The following PPP1R3A variants were observed in gnomAD, a reference collection of about 807,000 sequenced individuals.
PPP1R3A encodes protein phosphatase 1 regulatory subunit 3A.
A neutral mutation model predicts 41.7 loss-of-function variants in PPP1R3A; 29 were observed. The observed-to-expected ratio is 0.70, with a 90% CI of 0.52 to 0.95. The LOEUF (loss-of-function observed/expected upper bound fraction) is 0.95, where lower values mean the gene tolerates loss of function less well. PPP1R3A is among the 40% of genes least tolerant of loss of function. The pLI, the probability that PPP1R3A is intolerant of heterozygous loss-of-function variation, is 0.00. For synonymous variants in PPP1R3A, 485 were observed against 453.4 expected, an observed-to-expected ratio of 1.07 and a Z score of -0.89; for missense variants, 1,352 against 1,292.4, an observed-to-expected ratio of 1.05 and a Z score of -0.71.
chr7:113,882,377 T>G (rs1425115189), intron 1 of PPP1R3A, 57 bp from the exon 2 acceptor site: 2 of 1,044,226 alleles, frequency 1.9e-6, no homozygotes, highest in African/African-American at 1.6e-5. Context: ...CTTCTAAGTA[T>G]TTTTACACAG....
Position 113,882,276 on chromosome 7 carries a change from T to G in PPP1R3A, c.827A>C (p.Asn276Thr). ...AAGAATATTACCTGTATTCTTTGGATTCTCAAAGTTATTTTCTTCTGATGT... is the reference window on the plus strand; with the variant it reads ...AAGAATATTACCTGTATTCTTTGGAGTCTCAAAGTTATTTTCTTCTGATGT... ...SVTSEENNFE[N>T]PKNTDTYIPT... The change falls in exon 2 of 4, where the codon AAT becomes ACT. Residue 276 changes from asparagine (N) to threonine (T), a missense_variant. Transcript: ENST00000284601. 6.7e-7 allele frequency: 1 copy of G among 1,495,662 alleles called. No individual in the cohort carries two copies. The highest frequency in any genetic ancestry group is 2.3e-5 in the East Asian group (1 of 43,924). The allele number at this position is 1,495,662 out of a possible 1,614,324, so 92.6% of individuals were successfully genotyped here.
chr7:113,885,542 G>C (rs1796769727), intron 1 of PPP1R3A, among the ~76,000 whole-genome samples: 1 of 152,024 alleles, frequency 6.6e-6, no homozygotes, highest in African/African-American at 2.4e-5. Context: ...TGGTGTCATT[G>C]TTAACTGGAA....
intron 1 of PPP1R3A, among the ~76,000 whole-genome samples, chr7:113,885,137 T>C (rs1269619780): frequency 6.6e-6 from 1 of 152,112 alleles, no homozygotes; most frequent in African/African-American, 2.4e-5. Context: ...CATTGCAACT[T>C]CCACCTCCCA....
chr7:113,916,384 A>G (rs1410353598), intron 1 of PPP1R3A, among the ~76,000 whole-genome samples: 4 of 152,072 alleles, frequency 2.6e-5, no homozygotes, highest in Admixed American at 2.6e-4. Flanking sequence ...ATATAGTTCT[A>G]CATATCTTCA....
At chr7:113,901,281 C>T (rs930968196) in intron 1 of PPP1R3A, among the ~76,000 whole-genome samples, 4 of 151,636 alleles carry the variant, frequency 2.6e-5, no homozygotes, top group Non-Finnish European at 1.5e-5. Context: ...GGCGAAGGTC[C>T]ATTACCTGAA....
Position 113,894,719 on chromosome 7 carries a change from T to C in PPP1R3A, c.783-12399A>G, listed in dbSNP as rs191282309. ...GTATAAAAAATCATTATTAGAGTCA[T>C]GACCACTGAGTTAACTAATTCCATT... On this transcript the variant is annotated intron_variant, in intron 1 of 3. Transcript: ENST00000284601. 6.6e-5 allele frequency among the ~76,000 whole-genome samples: 10 copies of C among 152,094 alleles called. No homozygotes were observed. In the East Asian group the frequency reaches 1.9e-3, roughly 30 times the overall value.
Position 113,895,194 on chromosome 7 carries a change from T to G in PPP1R3A, c.783-12874A>C, listed in dbSNP as rs182684361. ...TCCCAGCTTCTATCTCATTCCTGGC[T>G]CTTGACAAAGAATTTCAAATGTGTG... On this transcript the variant is annotated intron_variant, in intron 1 of 3. Transcript: ENST00000284601. Among the ~76,000 whole-genome samples the G allele has an allele frequency of 3.9e-3, 595 of 152,094 alleles. 3 individuals are homozygous for G. Among genetic ancestry groups the G allele is most frequent in the Non-Finnish European group, 4.9e-3 (336 of 67,950 alleles).
chr7:113,885,987 G>C (rs1796779107), intron 1 of PPP1R3A, among the ~76,000 whole-genome samples: 1 of 149,390 alleles, frequency 6.7e-6, no homozygotes, highest in East Asian at 2.0e-4. Context: ...TATATAGGTA[G>C]TTTTTAGCTT....
At chr7:113,891,670 C>T (rs1043073138) in intron 1 of PPP1R3A, among the ~76,000 whole-genome samples, 1 of 151,996 alleles carries the variant, frequency 6.6e-6, no homozygotes. Flanking sequence ...AGGATTTAGA[C>T]ACCATGTTAA....
At chr7:113,888,650 A>G (rs1230676899) in intron 1 of PPP1R3A, among the ~76,000 whole-genome samples, 1 of 152,106 alleles carries the variant, frequency 6.6e-6, no homozygotes, top group Non-Finnish European at 1.5e-5. Context: ...GCTTCCCAGG[A>G]GTTTATGTGG....
Position 113,878,481 on chromosome 7 carries a change from T to C in PPP1R3A, c.2611A>G (p.Thr871Ala), listed in dbSNP as rs1325730853. The C allele has an allele frequency of 1.2e-6, 2 of 1,613,082 alleles. No homozygotes were observed. The highest frequency in any genetic ancestry group is 1.3e-5 in the African/African-American group (1 of 74,882). The stretch of plus-strand genomic sequence containing the variant: ...TTTTCTGAAAATACAGTTTTGTCTG[T>C]TGGTAACATTCCCAACTGTAAATCC... The part of the protein sequence containing the change: ...KLDLQLGMLP[T>A]DKTVFSENRD... Residue 871 changes from threonine to alanine, a missense_variant, in exon 4 of 4, where the codon ACA becomes GCA. Coordinates refer to ENST00000284601, the MANE Select transcript of PPP1R3A (RefSeq NM_002711.4).
chr7:113,909,502 G>A (rs1797208633), intron 1 of PPP1R3A, among the ~76,000 whole-genome samples: 1 of 151,998 alleles, frequency 6.6e-6, no homozygotes, highest in Non-Finnish European at 1.5e-5. Flanking sequence ...TTAAACTCCT[G>A]TTGACCAATT....
intron 1 of PPP1R3A, among the ~76,000 whole-genome samples, chr7:113,905,535 C>G (rs1399318287): frequency 6.6e-6 from 1 of 151,780 alleles, no homozygotes; most frequent in Non-Finnish European, 1.5e-5. Flanking sequence ...TTCTATAAAT[C>G]TAAAATTTTA....
At chr7:113,896,245 C>T (rs1796973120) in intron 1 of PPP1R3A, among the ~76,000 whole-genome samples, 1 of 151,900 alleles carries the variant, frequency 6.6e-6, no homozygotes, top group Non-Finnish European at 1.5e-5. Flanking sequence ...CTTTTGTGAA[C>T]TATTTTGTTT....
chr7:113,904,028 T>C (rs1387364355), intron 1 of PPP1R3A, among the ~76,000 whole-genome samples: 3 of 151,836 alleles, frequency 2.0e-5, no homozygotes, highest in Admixed American at 6.6e-5. Context: ...CTAATGCCTA[T>C]TGCTCTTTAT....
chr7:113,915,456 A>C (rs1171694952), intron 1 of PPP1R3A, among the ~76,000 whole-genome samples: 1 of 151,460 alleles, frequency 6.6e-6, no homozygotes, highest in East Asian at 1.9e-4. Context: ...GGGCAGCCTG[A>C]TTTTCATTTT....
At position 113,878,335 on chromosome 7, in the gene PPP1R3A, A is replaced by G; in HGVS notation, c.2757T>C (p.His919=). 6.2e-7 allele frequency: 1 copy of G among 1,613,056 alleles called. No homozygotes were observed. The change falls in exon 4 of 4, where the codon CAT becomes CAC. Residue 919 remains histidine, a synonymous_variant. Coordinates refer to ENST00000284601, the MANE Select transcript of PPP1R3A (RefSeq NM_002711.4). ...TAGTTGACACTGAAATTTCAGTATG[A>G]TGTTTGGAAAAAGGAGAGCTATTCT... ...APQNSSPFSK[H]HTEISVSTNE...
At chr7:113,902,315 A>G (rs1440727984) in intron 1 of PPP1R3A, among the ~76,000 whole-genome samples, 1 of 151,780 alleles carries the variant, frequency 6.6e-6, no homozygotes, top group Non-Finnish European at 1.5e-5. Flanking sequence ...TATGTATGAT[A>G]TATTCTTGGT....
At chr7:113,909,297 A>G (rs1341383127) in intron 1 of PPP1R3A, among the ~76,000 whole-genome samples, 2 of 152,074 alleles carry the variant, frequency 1.3e-5, no homozygotes, top group African/African-American at 4.8e-5. Context: ...ACAGTTTTCA[A>G]GAATTCTAAT....
Sources: allele counts gnomAD v4.1 joint callset (sites outside exome capture counted in the v4.1 genomes callset), GRCh38; gene constraint gnomAD v4.1.1; transcripts MANE v1.5; gene names NCBI Gene and HGNC (gene_info 2026-07-23, HGNC 2026-07-21).